The following ASTN2 variants were observed in gnomAD, a reference collection of about 807,000 sequenced individuals.
ASTN2 encodes astrotactin 2.
Under a neutral mutation model 139.8 loss-of-function variants are expected in ASTN2, and 54 were observed. The ratio of observed to expected loss-of-function variants is 0.39; its 90% CI spans 0.31 to 0.48. The LOEUF is 0.48. Ranked by LOEUF, ASTN2 falls within the 20% of genes least tolerant of loss-of-function variation. ASTN2 has a pLI of 0.95. For missense variants in ASTN2, 1,565 were observed against 1,725.1 expected (o/e 0.91, Z 1.64); for synonymous variants, 756 against 719.5 (o/e 1.05, Z -0.81).
At chr9:116,440,466 A>G (rs1847807886) in intron 22 of ASTN2, 143 bp downstream of exon 22, 3 of 737,760 alleles carry the variant, frequency 4.1e-6, no homozygotes, top group Non-Finnish European at 6.5e-6. Context: ...CCTATTTTCT[A>G]TCTTTAGCCT....
chr9:116,688,539 A>T (rs1022922642), intron 16 of ASTN2, among the ~76,000 whole-genome samples: 24 of 152,160 alleles, frequency 1.6e-4, no homozygotes, highest in African/African-American at 5.3e-4. Flanking sequence ...GGAGTGTGGT[A>T]ATCCCTGTGA....
intron 13 of ASTN2, among the ~76,000 whole-genome samples, chr9:116,805,109 A>AGTGTGTGTGT (rs10681699): frequency 0.065 from 9,246 of 143,042 alleles, 324 homozygotes; most frequent in Non-Finnish European, 0.075. Flanking sequence ...GGATTTGGGG[A>AGTGTGTGTGT]GTGTGTGTGT....
At chr9:116,734,524 A>G (rs1246638928) in intron 13 of ASTN2, among the ~76,000 whole-genome samples, 1 of 152,134 alleles carries the variant, frequency 6.6e-6, no homozygotes, top group Non-Finnish European at 1.5e-5. Context: ...GTCCCTTTAT[A>G]TTCAGAAATT....
chr9:117,326,035 G>A (rs909762507), intron 1 of ASTN2, among the ~76,000 whole-genome samples: 7 of 152,114 alleles, frequency 4.6e-5, no homozygotes, highest in East Asian at 1.9e-4. Context: ...GCCACACAGC[G>A]GAGCTTCACA....
intron 2 of ASTN2, among the ~76,000 whole-genome samples, chr9:117,215,277 T>C (rs1287948320): frequency 1.3e-5 from 2 of 152,140 alleles, no homozygotes; most frequent in African/African-American, 4.8e-5. Context: ...AAATATAAGA[T>C]AGCATTATTA....
intron 10 of ASTN2, among the ~76,000 whole-genome samples, chr9:116,906,420 A>G (rs1007264928): frequency 1.3e-5 from 2 of 149,770 alleles, no homozygotes; most frequent in East Asian, 3.9e-4. Context: ...TTTCGGGAGA[A>G]GCAGGATGGG....
chr9:116,796,215 T>C (rs1245424317), intron 13 of ASTN2, among the ~76,000 whole-genome samples: 1 of 152,182 alleles, frequency 6.6e-6, no homozygotes, highest in Non-Finnish European at 1.5e-5. Flanking sequence ...TGAGGCTTAA[T>C]GAAATAATGT....
intron 3 of ASTN2, among the ~76,000 whole-genome samples, chr9:117,188,849 G>A (rs2132963124): frequency 6.6e-6 from 1 of 152,254 alleles, no homozygotes; most frequent in Admixed American, 6.5e-5. Context: ...ATGGGAGCCA[G>A]GTACCCGTGG....
At chr9:117,003,957 T>C (rs5009208) in intron 7 of ASTN2, among the ~76,000 whole-genome samples, 32,970 of 127,656 alleles carry the variant, frequency 0.26, 4,270 homozygotes, top group Non-Finnish European at 0.33. Context: ...CGCGCGCGTG[T>C]GTGTGTGTGT....
At chr9:117,112,992 A>C (rs1186227298) in intron 4 of ASTN2, among the ~76,000 whole-genome samples, 2 of 152,204 alleles carry the variant, frequency 1.3e-5, no homozygotes, top group Non-Finnish European at 2.9e-5. Context: ...AAAGATCCTC[A>C]ACCTCTTTAG....
intron 13 of ASTN2, among the ~76,000 whole-genome samples, chr9:116,785,100 G>C (rs1830333367): frequency 6.6e-6 from 1 of 152,098 alleles, no homozygotes; most frequent in Non-Finnish European, 1.5e-5. Flanking sequence ...TAAAAAATAA[G>C]GGAGGGGAAA....
chr9:116,996,387 T>G (rs969727630), intron 7 of ASTN2, among the ~76,000 whole-genome samples: 10 of 152,166 alleles, frequency 6.6e-5, no homozygotes, highest in Non-Finnish European at 1.3e-4. Context: ...AGATAATATA[T>G]GTGAAGGCTT....
intron 20 of ASTN2, among the ~76,000 whole-genome samples, chr9:116,452,325 T>G (rs1203136846): frequency 6.6e-6 from 1 of 152,226 alleles, no homozygotes; most frequent in Non-Finnish European, 1.5e-5. Flanking sequence ...AAGGCATAAC[T>G]TGGAAGCATG....
In ASTN2 at chr9:116,931,744, G is replaced by A. The variant is rs533006010; in HGVS notation, c.1889+43464C>T. Among the ~76,000 whole-genome samples, 44 of 152,272 alleles carry A rather than the reference G, an allele frequency of 2.9e-4. No individual in the cohort carries two copies. The East Asian group carries it at 4.1e-3, about 14-fold the overall frequency. On this transcript the variant is annotated intron_variant, in intron 10 of 22. Transcript: ENST00000313400. ...CCAACGAGTAAGCAAGTAAATGTTC[G>A]ATAATACTAAGACATACAAATATCA...
At chr9:116,941,319 T>A (rs1025488181) in intron 10 of ASTN2, among the ~76,000 whole-genome samples, 32 of 152,018 alleles carry the variant, frequency 2.1e-4, no homozygotes, top group African/African-American at 5.8e-4. Context: ...TTTTTTTTTT[T>A]AAGTCTTTTA....
At chr9:116,803,272 G>C (rs957326526) in intron 13 of ASTN2, among the ~76,000 whole-genome samples, 3 of 149,370 alleles carry the variant, frequency 2.0e-5, no homozygotes, top group Non-Finnish European at 4.4e-5. Context: ...AATTCATCCA[G>C]ACTATCCTTA....
intron 7 of ASTN2, among the ~76,000 whole-genome samples, chr9:116,993,876 A>ATATATATATATTTTT (rs1030120382): frequency 4.2e-5 from 6 of 142,058 alleles, no homozygotes; most frequent in Non-Finnish European, 9.1e-5. Flanking sequence ...ATATATATAT[A>ATATATATATATTTTT]TTTTAACTAT....
At chr9:116,495,354 C>A (rs898003932) in intron 19 of ASTN2, among the ~76,000 whole-genome samples, 3 of 152,132 alleles carry the variant, frequency 2.0e-5, no homozygotes, top group Non-Finnish European at 2.9e-5. Flanking sequence ...AGCTAAGGCC[C>A]CTTTTATCCT....
At chr9:116,546,911 C>T (rs1190165723) in intron 19 of ASTN2, among the ~76,000 whole-genome samples, 1 of 152,154 alleles carries the variant, frequency 6.6e-6, no homozygotes, top group Non-Finnish European at 1.5e-5. Context: ...GACTCCAAAG[C>T]CCTCTTTGTA....
Sources: allele counts gnomAD v4.1 joint callset (sites outside exome capture counted in the v4.1 genomes callset), GRCh38; gene constraint gnomAD v4.1.1; transcripts MANE v1.5; gene names NCBI Gene and HGNC (gene_info 2026-07-23, HGNC 2026-07-21).